The following CIITA variants were observed in gnomAD, a reference collection of about 807,000 sequenced individuals.
CIITA encodes the protein class II major histocompatibility complex transactivator.
Under a neutral mutation model 115.1 loss-of-function variants are expected in CIITA, and 72 were observed. The ratio of observed to expected loss-of-function variants is 0.63; its 90% CI spans 0.52 to 0.76. The LOEUF (loss-of-function observed/expected upper bound fraction) is 0.76. CIITA is among the 30% of genes least tolerant of loss of function. CIITA has a pLI of 0.00. For missense variants in CIITA, 1,617 were observed against 1,463.8 expected (o/e 1.10, Z -1.71); for synonymous variants, 763 against 635.6 (o/e 1.20, Z -3.02).
chr16:10,919,224 C>G (rs907896702), intron 16 of CIITA, among the ~76,000 whole-genome samples: 2 of 152,074 alleles, frequency 1.3e-5, no homozygotes, highest in Non-Finnish European at 2.9e-5. Context: ...GATGGAGTCT[C>G]GCTCTGTCAC....
At position 10,904,731 on chromosome 16, in the gene CIITA, T is replaced by A. The variant is rs1320525276; in HGVS notation, c.938-13T>A. 6.2e-7 allele frequency: 1 copy of A among 1,613,830 alleles called. No individual in the cohort carries two copies. The highest frequency in any genetic ancestry group is 1.3e-5 in the African/African-American group (1 of 74,832). ...CCTCACCCTAAATCTGGCACCTGCTTCTCCATCTCCAGAGCACAAGACGTC... is the reference window on the plus strand; with the variant it reads ...CCTCACCCTAAATCTGGCACCTGCTACTCCATCTCCAGAGCACAAGACGTC... On this transcript the variant is annotated splice_polypyrimidine_tract_variant and intron_variant, in intron 9 of 19. Coordinates refer to ENST00000324288, the MANE Select transcript of CIITA (RefSeq NM_000246.4).
At position 10,942,026 on chromosome 16, in the gene CIITA, C is replaced by G; in HGVS notation, n.1152C>G. 9 of 1,392,866 alleles carry G rather than the reference C, an allele frequency of 6.5e-6. No homozygotes were observed. The highest frequency in any genetic ancestry group is 8.4e-6 in the Non-Finnish European group (9 of 1,074,478). 86.3% of individuals were successfully genotyped at this position (1,392,866 alleles called of 1,614,324 possible). A position where few individuals can be genotyped will look rare whatever the true frequency, so the allele number is the denominator to read the frequency against. On this transcript the variant is annotated non_coding_transcript_exon_variant, in exon 2 of 2. Transcript: ENST00000573379. The surrounding 1 kb of genome is among the most constrained non-coding windows in gnomAD (Gnocchi z 5.0). ...AGCATGCAGCGGGTGGCAAGGGCGG[C>G]GGCCCGGCGATCCCGGCGAACTCAG...
In CIITA at chr16:10,927,131, T is replaced by C. The variant is rs2040564552; in HGVS notation, c.*3276T>C. On this transcript the variant is annotated 3_prime_UTR_variant, in exon 20 of 20. Coordinates refer to ENST00000324288, the MANE Select transcript of CIITA (RefSeq NM_000246.4). Reference sequence around the variant, plus strand: ...ATTATGTGAAGGTGTGGTGAGCTAATACGTTAAGAATTGGAGCTCAATAAC... The same window carrying C: ...ATTATGTGAAGGTGTGGTGAGCTAACACGTTAAGAATTGGAGCTCAATAAC... The C allele has an allele frequency of 6.6e-6, 1 of 152,252 alleles. No individual in the cohort carries two copies. Among genetic ancestry groups the C allele is most frequent in the South Asian group, 2.1e-4 (1 of 4,830 alleles). The allele number at this position is 152,252 out of a possible 1,614,324, so 9.4% of individuals were successfully genotyped here.
chr16:10,920,238 C>T lies in CIITA; in HGVS notation c.3149+1712C>T, dbSNP rs545883584. ...AAGGCGACACTTGATCTGATTTACACTTTTCTTTTTTCTTTTCTTTTCTTT... is the reference window on the plus strand; with the variant it reads ...AAGGCGACACTTGATCTGATTTACATTTTTCTTTTTTCTTTTCTTTTCTTT... On this transcript the variant is annotated intron_variant, in intron 16 of 19. Transcript: ENST00000324288. The surrounding 1 kb of genome is among the most constrained non-coding windows in gnomAD (Gnocchi z 4.5). 6.6e-6 allele frequency among the ~76,000 whole-genome samples: 1 copy of T among 152,158 alleles called. No individual in the cohort carries two copies. The highest frequency in any genetic ancestry group is 1.5e-5 in the Non-Finnish European group (1 of 68,036).
intron 1 of CIITA, among the ~76,000 whole-genome samples, chr16:10,890,772 G>A (rs1162639941): frequency 2.6e-5 from 4 of 152,192 alleles, no homozygotes; most frequent in Non-Finnish European, 4.4e-5. Flanking sequence ...TCACCATGTA[G>A]AAGCTGTGCT....
chr16:10,907,859 T>G lies in CIITA; in HGVS notation c.2367T>G (p.Leu789=). The change falls in exon 11 of 20, where the codon CTT becomes CTG. Residue 789 remains leucine, a synonymous_variant. Transcript: ENST00000324288. The surrounding 1 kb of genome is among the most constrained non-coding windows in gnomAD (Gnocchi z 5.0). ...CGGTGGACAGGAAGCAGAAGGTGCT[T>G]GCGAGGTACCTGAAGCGGCTGCAGC... ...AASVDRKQKV[L]ARYLKRLQPG... 6.2e-7 allele frequency: 1 copy of G among 1,611,436 alleles called. No homozygotes were observed. The highest frequency in any genetic ancestry group is 1.7e-4 in the Middle Eastern group (1 of 6,040).
chr16:10,908,618 T>C (rs2039341507), intron 11 of CIITA: 1 of 432,152 alleles, frequency 2.3e-6, no homozygotes, highest in African/African-American at 2.0e-5. Flanking sequence ...CTTACAATCC[T>C]TCAGGGACAC....
At chr16:10,893,150 A>C (rs2037765479) in intron 1 of CIITA, among the ~76,000 whole-genome samples, 1 of 152,184 alleles carries the variant, frequency 6.6e-6, no homozygotes, top group Non-Finnish European at 1.5e-5. Context: ...GAGGCAAGGA[A>C]GCATTCTCCC....
At chr16:10,922,018 A>T in intron 16 of CIITA, 149 bp from the exon 17 acceptor site, 1 of 744,248 alleles carries the variant, frequency 1.3e-6, no homozygotes, top group South Asian at 1.5e-5. Context: ...TACTTGGCAC[A>T]ATGCCAGGCT....
intron 12 of CIITA, among the ~76,000 whole-genome samples, chr16:10,909,617 A>C (rs912504322): frequency 2.6e-5 from 4 of 152,264 alleles, no homozygotes; most frequent in African/African-American, 9.6e-5. Context: ...TCTTTCATTC[A>C]TTCCTTCATC....
chr16:10,877,128 GT>G (rs1236846771), upstream of CIITA: 13 of 639,646 alleles, frequency 2.0e-5, no homozygotes, highest in African/African-American at 1.8e-5. Context: ...TGCAGGGAGA[GT>G]TTTTTTGATG....
chr16:10,900,343 A>G (rs2038592973), intron 5 of CIITA, among the ~76,000 whole-genome samples: 1 of 152,188 alleles, frequency 6.6e-6, no homozygotes, highest in South Asian at 2.1e-4. Context: ...TTATTGAGGG[A>G]GAGGACACGG....
Position 10,941,693 on chromosome 16 carries a change from G to A in CIITA, n.819G>A. ...GGGCATGGGTTGCGGATCGTGTAGG[G>A]AAGAGGGGAACAGCAGTCGAGACCC... On this transcript the variant is annotated non_coding_transcript_exon_variant, in exon 2 of 2. Transcript: ENST00000573379. The surrounding 1 kb of genome is among the most constrained non-coding windows in gnomAD (Gnocchi z 6.4). The A allele has an allele frequency of 6.3e-7, 1 of 1,587,826 alleles. No homozygotes were observed. The highest frequency in any genetic ancestry group is 1.2e-5 in the South Asian group (1 of 86,326).
rs1334195310 is a variant in CIITA at position 10,914,535 on chromosome 16, G to C, written c.2889-1035G>C. Among the ~76,000 whole-genome samples the C allele has an allele frequency of 2.0e-5, 3 of 152,138 alleles. No individual in the cohort carries two copies. The East Asian group carries it at 5.8e-4, about 29-fold the overall frequency. ...GAATGATCATTCTAATATTGAAAAAGTTCAAAGGACATAATTGCAGAATAA... is the reference window on the plus strand; with the variant it reads ...GAATGATCATTCTAATATTGAAAAACTTCAAAGGACATAATTGCAGAATAA... On this transcript the variant is annotated intron_variant, in intron 13 of 19. Transcript: ENST00000324288.
rs138110525 is a variant in CIITA at position 10,902,559 on chromosome 16, G to C, written c.629-99G>C. 178 of 1,467,666 alleles carry C rather than the reference G, an allele frequency of 1.2e-4. No homozygotes were observed. The African/African-American group carries it at 2.2e-3, about 18-fold the overall frequency. The allele number at this position is 1,467,666 out of a possible 1,614,324, so 90.9% of individuals were successfully genotyped here. A position where few individuals can be genotyped will look rare whatever the true frequency, so the allele number is the denominator to read the frequency against. On this transcript the variant is annotated intron_variant, in intron 7 of 19. Transcript: ENST00000324288. Reference sequence around the variant, plus strand: ...AGCTACTGCTCTTAGGGAAATTAGGGCCCTTTAGGGGGGTCAGACATTAAT... The same window carrying C: ...AGCTACTGCTCTTAGGGAAATTAGGCCCCTTTAGGGGGGTCAGACATTAAT...
In CIITA at chr16:10,899,364, G is replaced by C. The variant is rs79798326; in HGVS notation, c.436+362G>C. Among the ~76,000 whole-genome samples, 605 of 151,898 alleles carry C rather than the reference G, an allele frequency of 4.0e-3. 6 individuals are homozygous for C. The highest frequency in any genetic ancestry group is 0.014 in the African/African-American group (578 of 41,482). Reference sequence around the variant, plus strand: ...CTCTATCTGGAATGCCCTTCCCCCAGTTCTTCCCATGGCTGACTCCTTTGA... The same window carrying C: ...CTCTATCTGGAATGCCCTTCCCCCACTTCTTCCCATGGCTGACTCCTTTGA... On this transcript the variant is annotated intron_variant, in intron 5 of 19. Transcript: ENST00000324288.
At chr16:10,898,269 G>A (rs2038343082) in intron 3 of CIITA, among the ~76,000 whole-genome samples, 2 of 152,020 alleles carry the variant, frequency 1.3e-5, no homozygotes, top group African/African-American at 4.8e-5. Flanking sequence ...TATCACCATC[G>A]ATTCCTGGGT....
chr16:10,902,909 C>A, intron 8 of CIITA, 108 bp downstream of exon 8: 1 of 1,292,180 alleles, frequency 7.7e-7, no homozygotes, highest in South Asian at 1.2e-5. Context: ...CTAGCACCTT[C>A]TCATGATCCT....
In CIITA at chr16:10,916,433, C is replaced by T. The variant is rs758805572; in HGVS notation, c.3036C>T (p.Pro1012=). The change falls in exon 15 of 20, where the codon CCC becomes CCT. Residue 1012 remains proline, a synonymous_variant. Coordinates refer to ENST00000324288, the MANE Select transcript of CIITA (RefSeq NM_000246.4). The part of the protein sequence containing the change: ...EGVSQLSATF[P]QLKSLETLNL... Reference sequence around the variant, plus strand: ...TCTCGCAGCTCTCAGCCACCTTCCCCCAGCTGAAGTCCTTGGAAACCCTCA... The same window carrying T: ...TCTCGCAGCTCTCAGCCACCTTCCCTCAGCTGAAGTCCTTGGAAACCCTCA... 3.1e-6 allele frequency: 5 copies of T among 1,612,812 alleles called. No homozygotes were observed. Among genetic ancestry groups the T allele is most frequent in the Non-Finnish European group, 4.2e-6 (5 of 1,179,446 alleles).
Sources: gnomAD v4.1 joint callset for allele counts (sites outside exome capture counted in the v4.1 genomes callset) on GRCh38, gnomAD v4.1.1 for gene constraint, Gnocchi (gnomAD v3.1) non-coding constraint, MANE v1.5 for transcripts, NCBI Gene and HGNC (gene_info 2026-07-23, HGNC 2026-07-21) for gene names.